Variants in PIP5K1A observed in about 807,000 individuals in gnomAD.
The protein encoded by PIP5K1A is phosphatidylinositol 4-phosphate 5-kinase type-1 alpha.
In PIP5K1A, 46 loss-of-function variants were observed where a neutral mutation model predicts 72.9. The observed-to-expected ratio is 0.63, with a 90% CI of 0.50 to 0.81. PIP5K1A has a LOEUF of 0.81. Ranked by LOEUF, PIP5K1A falls within the 30% of genes least tolerant of loss-of-function variation. PIP5K1A has a pLI of 0.00. For missense variants in PIP5K1A, 458 were observed against 706.1 expected, an observed-to-expected ratio of 0.65 and a Z score of 3.98; for synonymous variants, 228 against 255.1, an observed-to-expected ratio of 0.89 and a Z score of 1.01.
chr1:151,235,858 C>G (rs1377406606), intron 8 of PIP5K1A, among the ~76,000 whole-genome samples: 2 of 152,212 alleles, frequency 1.3e-5, no homozygotes, highest in Non-Finnish European at 2.9e-5. Flanking sequence ...CGTGGTGGCT[C>G]ACGCCTGTAA....
chr1:151,229,121 T>G (rs1386918430), intron 4 of PIP5K1A, among the ~76,000 whole-genome samples: 21 of 125,932 alleles, frequency 1.7e-4, no homozygotes, highest in Admixed American at 3.0e-4. Flanking sequence ...TGAGCCGAGG[T>G]CGCGCCATTG....
At position 151,232,376 on chromosome 1, in the gene PIP5K1A, G is replaced by A; in HGVS notation, c.486+11G>A. The A allele has an allele frequency of 2.5e-6, 4 of 1,585,688 alleles. No individual in the cohort carries two copies. The highest frequency in any genetic ancestry group is 3.5e-6 in the Non-Finnish European group (4 of 1,154,030). On this transcript the variant is annotated intron_variant, in intron 6 of 15. Transcript: ENST00000368888. ...CCCGATGATTACTTGGTAAGCATCTGGATATCAGGACACTGTGACTCCAGT... is the reference window on the plus strand; with the variant it reads ...CCCGATGATTACTTGGTAAGCATCTAGATATCAGGACACTGTGACTCCAGT...
chr1:151,243,081 G>A (rs1364563468), intron 14 of PIP5K1A, among the ~76,000 whole-genome samples: 1 of 152,160 alleles, frequency 6.6e-6, no homozygotes, highest in Non-Finnish European at 1.5e-5. Context: ...GCTACATTCT[G>A]TTCACTAAAT....
intron 3 of PIP5K1A, among the ~76,000 whole-genome samples, chr1:151,225,968 G>T (rs1353772303): frequency 6.6e-6 from 1 of 151,768 alleles, no homozygotes; most frequent in Non-Finnish European, 1.5e-5. Flanking sequence ...AGTTGGAGAT[G>T]GAGATTTGCC....
Position 151,236,773 on chromosome 1 carries a change from C to T in PIP5K1A, c.1145+10C>T, listed in dbSNP as rs1690917481. On this transcript the variant is annotated intron_variant, in intron 9 of 15. Transcript: ENST00000368888. ...TGGAGACTGATGACCAGTAAGTGGG[C>T]TCAGGGCCACTAGGGGGGAGAACAT... is the stretch of plus-strand genomic sequence containing the variant. The T allele has an allele frequency of 6.3e-7, 1 of 1,586,674 alleles. No individual in the cohort carries two copies. Among genetic ancestry groups the T allele is most frequent in the African/African-American group, 1.4e-5 (1 of 73,946 alleles).
chr1:151,199,893 C>G (rs897061460), intron 1 of PIP5K1A, among the ~76,000 whole-genome samples: 10 of 152,050 alleles, frequency 6.6e-5, no homozygotes, highest in African/African-American at 2.4e-4. Context: ...TCTTTTCCCT[C>G]AGATACTCCC....
chr1:151,227,330 C>T lies in PIP5K1A; in HGVS notation c.167C>T (p.Ala56Val), dbSNP rs766268525. 3.1e-6 allele frequency: 5 copies of T among 1,608,556 alleles called. No homozygotes were observed. The highest frequency in any genetic ancestry group is 3.4e-6 in the Non-Finnish European group (4 of 1,175,350). Residue 56 changes from alanine to valine, a missense_variant, in exon 4 of 16, where the codon GCC becomes GTC. Physicochemically the swap from Ala to Val is moderately conservative, Grantham distance 64 (BLOSUM62 0). Around this residue, in one of 3 missense-constraint regions of PIP5K1A, gnomAD observed 81 missense variants for 88.0 expected, o/e 0.92. Transcript: ENST00000368888. Reference protein sequence around the residue: ...QDSYISLVPYASGMPIKKIGH... With the variant: ...QDSYISLVPYVSGMPIKKIGH... ...TGACTCTTCTTCTAGGTGCCTTATG[C>T]CTCTGGCATGCCCATCAAGAAAATA...
At chr1:151,195,926 G>A (rs1315227532), upstream of PIP5K1A, among the ~76,000 whole-genome samples, 1 of 106,092 alleles carries the variant, frequency 9.4e-6, no homozygotes, top group Non-Finnish European at 1.7e-5. Flanking sequence ...ACGGAGTCTC[G>A]CTCTGTCGCC....
In PIP5K1A at chr1:151,198,916, C is replaced by A. The variant is rs1374395931; in HGVS notation, c.-81C>A. 7.4e-7 allele frequency: 1 copy of A among 1,357,688 alleles called. No individual in the cohort carries two copies. Among genetic ancestry groups the A allele is most frequent in the Non-Finnish European group, 1.0e-6 (1 of 954,972 alleles). The allele number at this position is 1,357,688 out of a possible 1,614,324, so 84.1% of individuals were successfully genotyped here. Reference sequence around the variant, plus strand: ...ACAGAACGCGGGTTCTGTAAAGAGACGTTGGGAAGATTCGATTCCGAGAAG... The same window carrying A: ...ACAGAACGCGGGTTCTGTAAAGAGAAGTTGGGAAGATTCGATTCCGAGAAG... On this transcript the variant is annotated 5_prime_UTR_variant, in exon 1 of 16. Coordinates refer to ENST00000368888, the MANE Select transcript of PIP5K1A (RefSeq NM_001135638.2).
rs140766631 is a variant in PIP5K1A at position 151,219,640 on chromosome 1, T to G, written c.86-4605T>G. ...ACCCGGGAGGTGGAGGTTGCGGTGA[T>G]CCGAGATTGTACCATTGCCCTCCAG... On this transcript the variant is annotated intron_variant, in intron 1 of 15. Coordinates refer to ENST00000368888, the MANE Select transcript of PIP5K1A (RefSeq NM_001135638.2). Among the ~76,000 whole-genome samples the G allele has an allele frequency of 8.9e-3, 1,351 of 151,768 alleles. 12 individuals carry two copies. Among genetic ancestry groups the G allele is most frequent in the Middle Eastern group, 0.017 (5 of 294 alleles).
intron 1 of PIP5K1A, among the ~76,000 whole-genome samples, chr1:151,220,772 C>G (rs991249789): frequency 4.6e-5 from 7 of 152,076 alleles, no homozygotes; most frequent in African/African-American, 1.7e-4. Flanking sequence ...TGGCCTATCA[C>G]CTAGCTTTGA....
At chr1:151,215,325 AC>A (rs910256578) in intron 1 of PIP5K1A, among the ~76,000 whole-genome samples, 29 of 146,712 alleles carry the variant, frequency 2.0e-4, no homozygotes, top group Non-Finnish European at 3.7e-4. Context: ...GGCGTGAGCC[AC>A]CGCACCCGGC....
intron 1 of PIP5K1A, among the ~76,000 whole-genome samples, chr1:151,199,572 C>T (rs1684921163): frequency 6.6e-6 from 1 of 151,472 alleles, no homozygotes; most frequent in Non-Finnish European, 1.5e-5. Flanking sequence ...CGAGATTGGG[C>T]CACTGCTCTC....
upstream of PIP5K1A, chr1:151,195,430 TCAC>T (rs1338136217): frequency 6.6e-6 from 1 of 152,166 alleles, no homozygotes; most frequent in East Asian, 1.9e-4. Context: ...CCCTGCCACG[TCAC>T]CACAGTTCTA....
intron 1 of PIP5K1A, among the ~76,000 whole-genome samples, chr1:151,214,769 C>T (rs587629961): frequency 2.0e-5 from 3 of 152,176 alleles, no homozygotes; most frequent in East Asian, 1.9e-4. Flanking sequence ...CAGGTTGGAG[C>T]GCAATGGTGT....
chr1:151,210,401 G>T (rs914648384), intron 1 of PIP5K1A, among the ~76,000 whole-genome samples: 12 of 149,232 alleles, frequency 8.0e-5, no homozygotes, highest in Non-Finnish European at 1.6e-4. Context: ...TTGCTCAGTC[G>T]ATCTCAAACT....
chr1:151,227,893 GAA>G (rs201095547), intron 4 of PIP5K1A, among the ~76,000 whole-genome samples: 1 of 150,994 alleles, frequency 6.6e-6, no homozygotes, highest in African/African-American at 2.4e-5. Flanking sequence ...CATCTCAAAA[GAA>G]AAAAAAATTA....
At chr1:151,216,796 C>T (rs587748353) in intron 1 of PIP5K1A, among the ~76,000 whole-genome samples, 1 of 151,920 alleles carries the variant, frequency 6.6e-6, no homozygotes, top group East Asian at 1.9e-4. Context: ...CTCATAACAA[C>T]CTTAGGAAGT....
At chr1:151,210,213 C>T (rs924469950) in intron 1 of PIP5K1A, among the ~76,000 whole-genome samples, 14 of 146,822 alleles carry the variant, frequency 9.5e-5, no homozygotes, top group African/African-American at 3.3e-4. Context: ...TTTTTTTCCT[C>T]GAGACTGGAT....
Sources: gnomAD v4.1 joint callset for allele counts (sites outside exome capture counted in the v4.1 genomes callset) on GRCh38, gnomAD v4.1.1 for gene constraint, gnomAD v4.1.1 regional missense constraint, MANE v1.5 for transcripts, NCBI Gene and HGNC (gene_info 2026-07-23, HGNC 2026-07-21) for gene names.